The following SLC26A8 variants were observed in gnomAD, a reference collection of about 807,000 sequenced individuals.
SLC26A8 encodes solute carrier family 26 member 8.
In SLC26A8, 70 loss-of-function variants were observed where a neutral mutation model predicts 105.0. That is an observed-to-expected ratio of 0.67 (90% CI 0.55 to 0.81). The LOEUF (loss-of-function observed/expected upper bound fraction) is 0.81. Among genes scored for constraint, SLC26A8 ranks in the 40% least tolerant of loss-of-function variants. SLC26A8 has a pLI of 0.00. For synonymous variants in SLC26A8, 415 were observed against 438.3 expected (o/e 0.95, Z 0.66); for missense variants, 998 against 1,181.8 (o/e 0.84, Z 2.28).
intron 3 of SLC26A8, among the ~76,000 whole-genome samples, chr6:36,007,079 G>A (rs977829112): frequency 6.6e-6 from 1 of 152,106 alleles, no homozygotes; most frequent in Non-Finnish European, 1.5e-5. Flanking sequence ...CAGGAAGAAG[G>A]CAAGAATGTC....
At chr6:35,962,862 C>T (rs1772368913) in intron 11 of SLC26A8, among the ~76,000 whole-genome samples, 1 of 152,120 alleles carries the variant, frequency 6.6e-6, no homozygotes, top group African/African-American at 2.4e-5. Flanking sequence ...AGTACTGTGG[C>T]GTGCTATCAT....
intron 3 of SLC26A8, among the ~76,000 whole-genome samples, chr6:36,011,198 GCT>G (rs1761847688): frequency 6.6e-6 from 1 of 152,178 alleles, no homozygotes; most frequent in African/African-American, 2.4e-5. Flanking sequence ...TAACTTTCTA[GCT>G]CTGTTTCCCT....
rs1199974746 is a variant in SLC26A8, at chr6:35,991,927, G to C, written c.793-119C>G. ...CCCAAGTAGAGTTTCTGGGTACAAA[G>C]GTCTTTATGGGTATTACTAGAACAG... is the stretch of plus-strand genomic sequence containing the variant. On this transcript the variant is annotated intron_variant, in intron 6 of 19. Coordinates refer to ENST00000490799, the MANE Select transcript of SLC26A8 (RefSeq NM_052961.4). The C allele has an allele frequency of 3.1e-6, 3 of 969,344 alleles. No individual in the cohort carries two copies. The East Asian group carries it at 8.7e-5, about 28-fold the overall frequency. The allele number at this position is 969,344 out of a possible 1,614,324, so 60.0% of individuals were successfully genotyped here.
At chr6:35,999,044 G>A (rs529229628) in intron 4 of SLC26A8, among the ~76,000 whole-genome samples, 79 of 151,910 alleles carry the variant, frequency 5.2e-4, no homozygotes, top group Non-Finnish European at 9.7e-4. Flanking sequence ...ACAGACACCC[G>A]CCACCACGCC....
chr6:35,977,454 T>C (rs1773084356), intron 8 of SLC26A8, 103 bp from the exon 9 acceptor site: 1 of 1,300,976 alleles, frequency 7.7e-7, no homozygotes, highest in Non-Finnish European at 1.0e-6. Context: ...TTTTTTTTTT[T>C]TTTTAATAAC....
At chr6:36,023,140 C>G (rs1441278363) in intron 1 of SLC26A8, among the ~76,000 whole-genome samples, 1 of 148,694 alleles carries the variant, frequency 6.7e-6, no homozygotes, top group African/African-American at 2.5e-5. Flanking sequence ...TGGCCTAGCT[C>G]TTTCACCCTC....
At chr6:36,018,360 A>G (rs1762046680) in intron 2 of SLC26A8, among the ~76,000 whole-genome samples, 1 of 152,248 alleles carries the variant, frequency 6.6e-6, no homozygotes, top group Non-Finnish European at 1.5e-5. Flanking sequence ...TACATGCTAC[A>G]ATATGGATGA....
intron 4 of SLC26A8, among the ~76,000 whole-genome samples, chr6:35,998,722 A>T (rs1434504423): frequency 6.6e-6 from 1 of 152,124 alleles, no homozygotes; most frequent in Non-Finnish European, 1.5e-5. Flanking sequence ...TTAACTTTAA[A>T]TTTACCTAAC....
chr6:35,951,608 C>G, intron 17 of SLC26A8, 109 bp from the exon 18 acceptor site: 50 of 1,108,692 alleles, frequency 4.5e-5, no homozygotes, highest in Middle Eastern at 2.3e-4. Flanking sequence ...GTGACAGAGT[C>G]TCACTCTGTC....
chr6:36,007,502 T>G (rs566439243), intron 3 of SLC26A8, among the ~76,000 whole-genome samples: 1 of 152,280 alleles, frequency 6.6e-6, no homozygotes, highest in African/African-American at 2.4e-5. Context: ...GACAGCATAA[T>G]AAAGATGCCA....
intron 11 of SLC26A8, 58 bp from the exon 12 acceptor site, chr6:35,962,679 TC>T: frequency 6.5e-7 from 1 of 1,537,336 alleles, no homozygotes; most frequent in South Asian, 1.1e-5. Flanking sequence ...AACTCACAAA[TC>T]CCCACCAAGG....
At chr6:35,955,544 G>A in intron 16 of SLC26A8, 24 bp from the exon 17 acceptor site, 1 of 1,607,176 alleles carries the variant, frequency 6.2e-7, no homozygotes, top group Non-Finnish European at 8.5e-7. Context: ...GTTAAGGGAG[G>A]GCTGTGGTAA....
At chr6:36,017,215 A>C (rs550078000) in intron 2 of SLC26A8, among the ~76,000 whole-genome samples, 1 of 151,100 alleles carries the variant, frequency 6.6e-6, no homozygotes, top group African/African-American at 2.4e-5. Context: ...GGAAGGAGAA[A>C]AGAAAAGAAA....
chr6:35,968,611 ATATATATATATATATATAT>A lies in SLC26A8; in HGVS notation c.1365+247_1365+265del, dbSNP rs1772636573. 1.6e-3 allele frequency among the ~76,000 whole-genome samples: 72 copies of A among 44,114 alleles called. 1 individual carries two copies. The East Asian group carries it at 0.021, about 13-fold the overall frequency. 28.9% of individuals were successfully genotyped at this position (44,114 alleles called of 152,430 possible). Reference sequence around the variant, plus strand: ...TGTATGTGTGTGTGTGTGTGTGTGTATATATATATATATATATATATATATATATATATATATATATATC... The same window carrying A: ...TGTATGTGTGTGTGTGTGTGTGTGTAATATATATATATATATATATATATC... On this transcript the variant is annotated intron_variant, in intron 11 of 19. Coordinates refer to ENST00000490799, the MANE Select transcript of SLC26A8 (RefSeq NM_052961.4).
chr6:36,005,364 C>G (rs1761656573), intron 3 of SLC26A8, among the ~76,000 whole-genome samples: 1 of 152,022 alleles, frequency 6.6e-6, no homozygotes, highest in African/African-American at 2.4e-5. Context: ...TCATTTTGTT[C>G]TAGGATTCTA....
intron 11 of SLC26A8, among the ~76,000 whole-genome samples, chr6:35,965,564 C>A (rs1458487952): frequency 1.3e-5 from 2 of 151,834 alleles, no homozygotes; most frequent in Non-Finnish European, 2.9e-5. Flanking sequence ...TGCCTGTAAT[C>A]CCAGCTACTT....
chr6:35,982,403 T>C (rs1202756907), intron 7 of SLC26A8, among the ~76,000 whole-genome samples, 200 bp from the exon 8 acceptor site: 6 of 152,198 alleles, frequency 3.9e-5, no homozygotes, highest in Non-Finnish European at 8.8e-5. Flanking sequence ...CCTGTTTCTT[T>C]TGGTTCTCTA....
intron 17 of SLC26A8, 90 bp from the exon 18 acceptor site, chr6:35,951,589 T>C: frequency 1.4e-6 from 2 of 1,427,390 alleles, no homozygotes; most frequent in Non-Finnish European, 2.0e-6. Context: ...TGTTTTGTTT[T>C]GGTTTTTTGT....
At chr6:36,007,752 G>A (rs1761730258) in intron 3 of SLC26A8, among the ~76,000 whole-genome samples, 1 of 152,064 alleles carries the variant, frequency 6.6e-6, no homozygotes, top group African/African-American at 2.4e-5. Context: ...AGAAAATTTA[G>A]GAGACTCACA....
Sources: gnomAD v4.1 joint callset for allele counts (sites outside exome capture counted in the v4.1 genomes callset) on GRCh38, gnomAD v4.1.1 for gene constraint, MANE v1.5 for transcripts, NCBI Gene and HGNC (gene_info 2026-07-23, HGNC 2026-07-21) for gene names.